Variants in COL11A1 observed in about 807,000 individuals in gnomAD.
COL11A1 encodes collagen type XI alpha 1 chain.
Under a neutral mutation model 265.2 loss-of-function variants are expected in COL11A1, and 74 were observed. The ratio of observed to expected loss-of-function variants is 0.28; its 90% CI spans 0.23 to 0.34. The LOEUF is 0.34. COL11A1 is among the 10% of genes least tolerant of loss of function. The pLI, the probability that COL11A1 is intolerant of heterozygous loss-of-function variation, is 1.00. For missense variants in COL11A1, 2,165 were observed against 2,263.6 expected (o/e 0.96, Z 0.88); for synonymous variants, 816 against 727.6 (o/e 1.12, Z -1.96).
At chr1:102,943,247 C>G (rs1244891196) in intron 42 of COL11A1, among the ~76,000 whole-genome samples, 1 of 151,928 alleles carries the variant, frequency 6.6e-6, no homozygotes, top group Non-Finnish European at 1.5e-5. Context: ...CCCTACTCCA[C>G]TCCTCTATAG....
chr1:103,075,861 A>G (rs1224084933), intron 3 of COL11A1, among the ~76,000 whole-genome samples: 1 of 152,096 alleles, frequency 6.6e-6, no homozygotes, highest in Non-Finnish European at 1.5e-5. Flanking sequence ...TCTTTCCACT[A>G]GAACATTCAA....
chr1:103,015,604 A>T, intron 12 of COL11A1, 64 bp downstream of exon 12: 1 of 1,254,858 alleles, frequency 8.0e-7, no homozygotes, highest in Non-Finnish European at 1.1e-6. Context: ...ATGGTTCAAC[A>T]ATAAACTTCA....
At chr1:102,992,046 G>T (rs947454144) in intron 28 of COL11A1, among the ~76,000 whole-genome samples, 2 of 151,898 alleles carry the variant, frequency 1.3e-5, no homozygotes, top group African/African-American at 4.8e-5. Flanking sequence ...TGCACTCTAT[G>T]TCTAAAAATC....
intron 49 of COL11A1, among the ~76,000 whole-genome samples, chr1:102,918,176 A>G (rs1655570186): frequency 6.6e-6 from 1 of 151,716 alleles, no homozygotes; most frequent in African/African-American, 2.4e-5. Context: ...ATGTTAGATT[A>G]TGAAGTCTTC....
chr1:102,950,041 A>C (rs900827085), intron 41 of COL11A1, among the ~76,000 whole-genome samples: 2 of 152,164 alleles, frequency 1.3e-5, no homozygotes, highest in African/African-American at 4.8e-5. Context: ...CATGCCTGTA[A>C]TCTCAGCACT....
chr1:102,913,744 C>T, intron 52 of COL11A1, 54 bp from the exon 53 acceptor site: 2 of 1,491,468 alleles, frequency 1.3e-6, no homozygotes, highest in South Asian at 2.3e-5. Context: ...CAATAAATCA[C>T]ACTACTTATC....
rs560255875 is a variant in COL11A1, at chr1:102,923,212, G to A, written c.3654+124C>T. 115 of 764,324 alleles carry A rather than the reference G, an allele frequency of 1.5e-4. No homozygotes were observed. In the African/African-American group the frequency reaches 1.7e-3, roughly 11 times the overall value. The allele number at this position is 764,324 out of a possible 1,614,324, so 47.3% of individuals were successfully genotyped here. On this transcript the variant is annotated intron_variant, in intron 47 of 66. Coordinates refer to ENST00000370096, the MANE Select transcript of COL11A1 (RefSeq NM_001854.4). Reference sequence around the variant, plus strand: ...AAAGACTAATATATAACTAAATCATGTCAGTTGCTTATATACACCTCAATA... The same window carrying A: ...AAAGACTAATATATAACTAAATCATATCAGTTGCTTATATACACCTCAATA...
At chr1:103,010,883 A>T (rs12043105) in intron 14 of COL11A1, among the ~76,000 whole-genome samples, 90,696 of 151,772 alleles carry the variant, frequency 0.6, 30,023 homozygotes, top group East Asian at 0.91. Flanking sequence ...TATTTTTAGT[A>T]GAAACGGGGT....
chr1:103,019,167 G>T (rs1000423833), intron 9 of COL11A1, among the ~76,000 whole-genome samples: 1 of 151,990 alleles, frequency 6.6e-6, no homozygotes, highest in African/African-American at 2.4e-5. Context: ...ATCTACCAAG[G>T]TTTTTTATTT....
intron 13 of COL11A1, among the ~76,000 whole-genome samples, chr1:103,014,117 C>A (rs1571036743): frequency 6.6e-6 from 1 of 151,894 alleles, no homozygotes; most frequent in South Asian, 2.1e-4. Context: ...AAATTAAGAA[C>A]AAATGTATTT....
intron 4 of COL11A1, among the ~76,000 whole-genome samples, chr1:103,048,820 A>G (rs904200414): frequency 1.3e-5 from 2 of 152,098 alleles, no homozygotes; most frequent in Non-Finnish European, 2.9e-5. Context: ...GTTGGTTTCT[A>G]AGAATATCTT....
intron 4 of COL11A1, 72 bp downstream of exon 4, chr1:103,074,546 G>T: frequency 3.2e-6 from 5 of 1,541,382 alleles, no homozygotes; most frequent in Non-Finnish European, 4.5e-6. Flanking sequence ...GCTATAAAGC[G>T]ATATTTTTAC....
At chr1:103,037,625 A>G (rs1465627044) in intron 4 of COL11A1, among the ~76,000 whole-genome samples, 2 of 152,194 alleles carry the variant, frequency 1.3e-5, no homozygotes, top group African/African-American at 2.4e-5. Context: ...TATAACTAAA[A>G]CAGTTAATGC....
intron 4 of COL11A1, among the ~76,000 whole-genome samples, chr1:103,045,303 A>G (rs1322319324): frequency 6.6e-6 from 1 of 152,170 alleles, no homozygotes; most frequent in African/African-American, 2.4e-5. Flanking sequence ...TCATTCATTC[A>G]TTTGTTCTTT....
intron 1 of COL11A1, among the ~76,000 whole-genome samples, chr1:103,092,203 A>G (rs756470446): frequency 1.3e-5 from 2 of 152,114 alleles, no homozygotes; most frequent in South Asian, 2.1e-4. Context: ...CCCTTGAACA[A>G]TACTAATTTG....
intron 57 of COL11A1, among the ~76,000 whole-genome samples, chr1:102,896,685 A>G (rs1652475423): frequency 6.6e-6 from 1 of 152,202 alleles, no homozygotes; most frequent in South Asian, 2.1e-4. Context: ...TTAAAAGACA[A>G]AAATACAAAA....
intron 9 of COL11A1, among the ~76,000 whole-genome samples, chr1:103,020,243 A>G (rs1666919920): frequency 6.9e-6 from 1 of 145,586 alleles, no homozygotes; most frequent in African/African-American, 2.5e-5. Context: ...CATCCTCTCC[A>G]GCACCTGTTG....
In COL11A1 at chr1:102,898,660, G is replaced by A. The variant is rs779606448; in HGVS notation, c.4248+6C>T. Reference sequence around the variant, plus strand: ...AAAATGGCATCTTTTTAACACAGATGCTCACCACAGGACCAGGGATGCCCC... The same window carrying A: ...AAAATGGCATCTTTTTAACACAGATACTCACCACAGGACCAGGGATGCCCC... On this transcript the variant is annotated splice_donor_region_variant and intron_variant, in intron 56 of 66. Coordinates refer to ENST00000370096, the MANE Select transcript of COL11A1 (RefSeq NM_001854.4). 7 of 1,608,588 alleles carry A rather than the reference G, an allele frequency of 4.4e-6. No individual in the cohort carries two copies. Among genetic ancestry groups the A allele is most frequent in the Non-Finnish European group, 6.0e-6 (7 of 1,176,204 alleles).
At chr1:102,902,334 G>A (rs1045952979) in intron 54 of COL11A1, among the ~76,000 whole-genome samples, 2 of 152,102 alleles carry the variant, frequency 1.3e-5, no homozygotes, top group African/African-American at 4.8e-5. Context: ...GGCATATGGA[G>A]ATCTTGATTT....
Sources: gnomAD v4.1 joint callset for allele counts (sites outside exome capture counted in the v4.1 genomes callset) on GRCh38, gnomAD v4.1.1 for gene constraint, MANE v1.5 for transcripts, NCBI Gene and HGNC (gene_info 2026-07-23, HGNC 2026-07-21) for gene names.